The following CCDC137 variants were observed in gnomAD, a reference collection of about 807,000 sequenced individuals.
CCDC137 encodes the protein coiled-coil domain-containing protein 137.
In CCDC137, 24 loss-of-function variants were observed where a neutral mutation model predicts 30.4. That is an observed-to-expected ratio of 0.79 (90% CI 0.57 to 1.11). The LOEUF (loss-of-function observed/expected upper bound fraction) is 1.11. Among genes scored for constraint, CCDC137 ranks in the 50% least tolerant of loss-of-function variants. The probability of loss-of-function intolerance (pLI) is 0.00; values close to 1 mark genes in which losing one functional copy is unlikely to be tolerated. For missense variants in CCDC137, 417 were observed against 380.4 expected (o/e 1.10, Z -0.80); for synonymous variants, 182 against 155.7 (o/e 1.17, Z -1.26).
intron 3 of CCDC137, chr17:81,671,489 ATGTTCCCTGGCAGGTAGC>A: frequency 1.9e-6 from 1 of 514,264 alleles, no homozygotes; most frequent in Non-Finnish European, 3.5e-6. Flanking sequence ...ACATTGTCAG[ATGTTCCCTGGCAGGTAGC>A]TGTCCCCAGC....
Position 81,672,765 on chromosome 17 carries a change from C to A in CCDC137, c.*61C>A. Reference sequence around the variant, plus strand: ...CAACTGGCACCAGGAGCTGCTACACCTGGGTAGGAGAGAGGCAGGCCATGC... The same window carrying A: ...CAACTGGCACCAGGAGCTGCTACACATGGGTAGGAGAGAGGCAGGCCATGC... On this transcript the variant is annotated 3_prime_UTR_variant, in exon 6 of 6. Transcript: ENST00000329214. 1 of 1,451,398 alleles carries A rather than the reference C, an allele frequency of 6.9e-7. No individual in the cohort carries two copies. The highest frequency in any genetic ancestry group is 2.2e-5 in the Admixed American group (1 of 45,776). 89.9% of individuals were successfully genotyped at this position (1,451,398 alleles called of 1,614,324 possible). A position where few individuals can be genotyped will look rare whatever the true frequency, so the allele number is the denominator to read the frequency against.
chr17:81,669,264 G>GC (rs1049271041), intron 2 of CCDC137, among the ~76,000 whole-genome samples: 3 of 150,844 alleles, frequency 2.0e-5, no homozygotes, highest in Non-Finnish European at 2.9e-5. Context: ...TTGTGCCTCA[G>GC]CCCCCCCAGT....
At position 81,672,108 on chromosome 17, in the gene CCDC137, C is replaced by T. The variant is rs1270034648; in HGVS notation, c.613C>T (p.Pro205Ser). ...GAAGTTTGGTGAGGTTGTCCTGCAG[C>T]CCCCAGAGCTGACTGCCAGGCCCCA... ...TVKFGEVVLQ[P>S]PELTARPQRS... is the part of the protein sequence containing the mutation. The change falls in exon 5 of 6, where the codon CCC (proline) becomes TCC (serine). Residue 205 changes from proline to serine, a missense_variant. Pro to Ser is a moderately conservative substitution (Grantham distance 74, BLOSUM62 -1). Coordinates refer to ENST00000329214, the MANE Select transcript of CCDC137 (RefSeq NM_199287.3). The T allele has an allele frequency of 2.5e-6, 4 of 1,614,098 alleles. No homozygotes were observed. The highest frequency in any genetic ancestry group is 2.5e-6 in the Non-Finnish European group (3 of 1,180,000).
At position 81,672,162 on chromosome 17, in the gene CCDC137, G is replaced by A; in HGVS notation, c.660+7G>A. ...GAGCGTAAGCAAGGACCAGGTAAGT[G>A]GGGCACGGGGACAACTTGAGTTTGT... On this transcript the variant is annotated splice_region_variant and intron_variant, in intron 5 of 5. Coordinates refer to ENST00000329214, the MANE Select transcript of CCDC137 (RefSeq NM_199287.3). 1 of 1,613,700 alleles carries A rather than the reference G, an allele frequency of 6.2e-7. No individual in the cohort carries two copies. Among genetic ancestry groups the A allele is most frequent in the East Asian group, 2.2e-5 (1 of 44,882 alleles).
chr17:81,671,755 G>T lies in CCDC137; in HGVS notation c.509G>T (p.Arg170Leu). Residue 170 changes from arginine to leucine, a missense_variant, in exon 4 of 6, where the codon CGG becomes CTG. Coordinates refer to ENST00000329214, the MANE Select transcript of CCDC137 (RefSeq NM_199287.3). ...GCTTTCTTCCCCAGGTTCCAGAAGC[G>T]GCGACTAGATAAAGTCCGACGGAAA... ...QKKAKKAFQK[R>L]RLDKVRRKKE... The T allele has an allele frequency of 6.2e-7, 1 of 1,612,276 alleles. No individual in the cohort carries two copies. Among genetic ancestry groups the T allele is most frequent in the Non-Finnish European group, 8.5e-7 (1 of 1,179,688 alleles).
At position 81,672,060 on chromosome 17, in the gene CCDC137, T is replaced by C. The variant is rs200346416; in HGVS notation, c.581-16T>C. The C allele has an allele frequency of 2.4e-5, 38 of 1,613,724 alleles. No homozygotes were observed. The Admixed American group carries it at 6.0e-4, about 25-fold the overall frequency. The stretch of plus-strand genomic sequence containing the variant: ...GGCTGTGGGCAGCAGTCCTCAGTTG[T>C]ATTCTGCTCCTCCAGACACGGTGAA... On this transcript the variant is annotated splice_polypyrimidine_tract_variant and intron_variant, in intron 4 of 5. Transcript: ENST00000329214.
chr17:81,667,834 G>T lies in CCDC137; in HGVS notation c.240G>T (p.Pro80=). The change falls in exon 2 of 6, where the codon CCG becomes CCT. Residue 80 remains proline, a synonymous_variant. Coordinates refer to ENST00000329214, the MANE Select transcript of CCDC137 (RefSeq NM_199287.3). The part of the protein sequence containing the change: ...IMRSRQEMKN[P]ISNKKRKKAA... ...GGAGCCGCCAAGAGATGAAAAACCCGATCAGTAACAAGAAGAGGAAGAAAG... is the reference window on the plus strand; with the variant it reads ...GGAGCCGCCAAGAGATGAAAAACCCTATCAGTAACAAGAAGAGGAAGAAAG... The T allele has an allele frequency of 6.2e-7, 1 of 1,611,954 alleles. No individual in the cohort carries two copies. Among genetic ancestry groups the T allele is most frequent in the Non-Finnish European group, 8.5e-7 (1 of 1,179,960 alleles).
intron 2 of CCDC137, among the ~76,000 whole-genome samples, chr17:81,668,115 C>T (rs1447830621): frequency 6.6e-6 from 1 of 151,990 alleles, no homozygotes; most frequent in Non-Finnish European, 1.5e-5. Flanking sequence ...TGCTAAGGAG[C>T]GGCGTTTTTT....
Position 81,670,371 on chromosome 17 carries a change from C to T in CCDC137, c.415C>T (p.Leu139Phe). Residue 139 changes from leucine to phenylalanine, a missense_variant, in exon 3 of 6, where the codon CTC becomes TTC. Transcript: ENST00000329214. ...MQQEAQHVLF[L>F]SKNQAIRQPE... Reference sequence around the variant, plus strand: ...GCAAGAGGCCCAGCATGTGCTGTTCCTCAGCAAGAACCAGGCCATCCGGCA... The same window carrying T: ...GCAAGAGGCCCAGCATGTGCTGTTCTTCAGCAAGAACCAGGCCATCCGGCA... 5.6e-6 allele frequency: 9 copies of T among 1,613,926 alleles called. No individual in the cohort carries two copies. Among genetic ancestry groups the T allele is most frequent in the Non-Finnish European group, 6.8e-6 (8 of 1,179,978 alleles).
intron 2 of CCDC137, among the ~76,000 whole-genome samples, chr17:81,668,770 G>A (rs2036683180): frequency 6.6e-6 from 1 of 151,908 alleles, no homozygotes; most frequent in Admixed American, 6.6e-5. Flanking sequence ...GCGTGATCTG[G>A]GCTCACTGCA....
At chr17:81,666,999 C>T (rs2036641327) in intron 1 of CCDC137, 99 bp downstream of exon 1, 2 of 1,201,928 alleles carry the variant, frequency 1.7e-6, no homozygotes, top group East Asian at 3.2e-5. Flanking sequence ...GCTCGGACCC[C>T]TTCCCCAGGT....
At chr17:81,671,559 G>A (rs566969696) in intron 3 of CCDC137, 185 bp from the exon 4 acceptor site, 33 of 599,984 alleles carry the variant, frequency 5.5e-5, no homozygotes, top group South Asian at 5.2e-4. Flanking sequence ...GTTGGGGTCA[G>A]AGCCTTCTTT....
intron 2 of CCDC137, among the ~76,000 whole-genome samples, chr17:81,669,812 T>C (rs34266607): frequency 0.26 from 38,619 of 151,318 alleles, 5,435 homozygotes; most frequent in African/African-American, 0.39. Context: ...CTGCCCATCT[T>C]GGCCTCCCAA....
intron 2 of CCDC137, among the ~76,000 whole-genome samples, chr17:81,668,163 G>C (rs2036671269): frequency 6.6e-6 from 1 of 151,958 alleles, no homozygotes; most frequent in Non-Finnish European, 1.5e-5. Context: ...AGAGTTTTTA[G>C]CAGGGCACGG....
rs1035766636 is a variant in CCDC137 at position 81,666,997 on chromosome 17, C to T, written c.134+97C>T. 3.3e-6 allele frequency: 4 copies of T among 1,204,620 alleles called. No homozygotes were observed. In the African/African-American group the frequency reaches 4.7e-5, roughly 14 times the overall value. 74.6% of individuals were successfully genotyped at this position (1,204,620 alleles called of 1,614,324 possible). A position where few individuals can be genotyped will look rare whatever the true frequency, so the allele number is the denominator to read the frequency against. ...CCCCCTAGGGAGCGTTCGCTCGGACCCCTTCCCCAGGTCGGGCTCAGTGCC... is the reference window on the plus strand; with the variant it reads ...CCCCCTAGGGAGCGTTCGCTCGGACTCCTTCCCCAGGTCGGGCTCAGTGCC... On this transcript the variant is annotated intron_variant, in intron 1 of 5. Coordinates refer to ENST00000329214, the MANE Select transcript of CCDC137 (RefSeq NM_199287.3).
intron 2 of CCDC137, chr17:81,669,985 C>G: frequency 1.9e-6 from 1 of 533,132 alleles, no homozygotes. Context: ...TAGGTTGTTT[C>G]TGCTTTCCTT....
In CCDC137 at chr17:81,673,403, A is replaced by C. The variant is rs992200378; in HGVS notation, c.*699A>C. ...CTCTACTAAAAATACACGAAGAAAA[A>C]AAAAACAGTGGGAACAGAGTTGTCA... On this transcript the variant is annotated 3_prime_UTR_variant, in exon 6 of 6. Transcript: ENST00000329214. 1.2e-4 allele frequency: 19 copies of C among 152,092 alleles called. No individual in the cohort carries two copies. The highest frequency in any genetic ancestry group is 2.6e-4 in the Non-Finnish European group (18 of 68,024). 9.4% of individuals were successfully genotyped at this position (152,092 alleles called of 1,614,324 possible). A position where few individuals can be genotyped will look rare whatever the true frequency, so the allele number is the denominator to read the frequency against.
Position 81,672,680 on chromosome 17 carries a change from G to C in CCDC137, c.846G>C (p.Arg282=), listed in dbSNP as rs1364367655. The change falls in exon 6 of 6, where the codon CGG becomes CGC. Residue 282 remains arginine (R), a synonymous_variant. Coordinates refer to ENST00000329214, the MANE Select transcript of CCDC137 (RefSeq NM_199287.3). The part of the protein sequence containing the change: ...LHGERPHLTS[R]KKPEPQL ...GGGAGCGACCCCACCTCACTTCCCG[G>C]AAGAAGCCAGAGCCGCAGCTGTGAT... The C allele has an allele frequency of 6.3e-7, 1 of 1,596,478 alleles. No homozygotes were observed. Among genetic ancestry groups the C allele is most frequent in the Non-Finnish European group, 8.5e-7 (1 of 1,172,626 alleles).
chr17:81,672,190 C>T lies in CCDC137; in HGVS notation c.660+35C>T, dbSNP rs749233063. ...GCACGGGGACAACTTGAGTTTGTCCCCCAGTGCTGCCAGGGAACAGAAGCC... is the reference window on the plus strand; with the variant it reads ...GCACGGGGACAACTTGAGTTTGTCCTCCAGTGCTGCCAGGGAACAGAAGCC... On this transcript the variant is annotated intron_variant, in intron 5 of 5. Transcript: ENST00000329214. 4.9e-5 allele frequency: 78 copies of T among 1,596,310 alleles called. No individual in the cohort carries two copies. The East Asian group carries it at 1.7e-3, about 34-fold the overall frequency.
Sources: allele counts gnomAD v4.1 joint callset (sites outside exome capture counted in the v4.1 genomes callset), GRCh38; gene constraint gnomAD v4.1.1; transcripts MANE v1.5; gene names NCBI Gene and HGNC (gene_info 2026-07-23, HGNC 2026-07-21).